Variants in STK33 observed in about 807,000 individuals in gnomAD.
STK33 encodes the protein serine/threonine kinase 33.
STK33 carries 52 observed loss-of-function variants against 58.0 expected under a neutral mutation model. That is an observed-to-expected ratio of 0.90 (90% CI 0.72 to 1.13). The LOEUF (loss-of-function observed/expected upper bound fraction) is 1.13. Among genes scored for constraint, STK33 ranks in the 50% most tolerant of loss-of-function variants. STK33 has a pLI of 0.00. For missense variants in STK33, 630 were observed against 604.2 expected (o/e 1.04, Z -0.45); for synonymous variants, 215 against 200.1 (o/e 1.07, Z -0.63).
intron 1 of STK33, among the ~76,000 whole-genome samples, chr11:8,555,751 T>C (rs1444878836): frequency 6.6e-6 from 1 of 152,096 alleles, no homozygotes; most frequent in Non-Finnish European, 1.5e-5. Context: ...GATGAATATG[T>C]TAATTAGCTT....
At chr11:8,515,846 G>A (rs556393212) in intron 1 of STK33, among the ~76,000 whole-genome samples, 6 of 152,110 alleles carry the variant, frequency 3.9e-5, no homozygotes, top group South Asian at 4.2e-4. Context: ...CAATCCCAAC[G>A]TAATAAAGAC....
At chr11:8,399,503 C>G (rs1313628804) in intron 15 of STK33, among the ~76,000 whole-genome samples, 5 of 152,132 alleles carry the variant, frequency 3.3e-5, no homozygotes, top group Non-Finnish European at 1.5e-5. Flanking sequence ...TAAATGTCCA[C>G]AAGAGAAAGC....
chr11:8,467,092 G>A (rs771816305), intron 6 of STK33: 1 of 152,194 alleles, frequency 6.6e-6, no homozygotes, highest in Non-Finnish European at 1.5e-5. Context: ...CTGGGTAATG[G>A]GAGGGGCTGC....
chr11:8,388,353 G>A (rs1319858246), downstream of STK33, among the ~76,000 whole-genome samples: 1 of 152,248 alleles, frequency 6.6e-6, no homozygotes, highest in Non-Finnish European at 1.5e-5. Context: ...GAAGAAGGCA[G>A]CCACAAGAAA....
chr11:8,484,629 A>G (rs1208667071), intron 1 of STK33, among the ~76,000 whole-genome samples: 1 of 152,254 alleles, frequency 6.6e-6, no homozygotes, highest in East Asian at 1.9e-4. Context: ...TGAATAGCAA[A>G]GAGAACATTT....
intron 1 of STK33, among the ~76,000 whole-genome samples, chr11:8,571,788 G>A (rs568876762): frequency 6.7e-5 from 10 of 149,134 alleles, no homozygotes; most frequent in East Asian, 2.0e-4. Flanking sequence ...ACCCAAGATC[G>A]CGCCACTGCA....
chr11:8,356,324 G>A, the STK33 span, among the ~76,000 whole-genome samples: 1 of 152,186 alleles, frequency 6.6e-6, no homozygotes, highest in Admixed American at 6.5e-5. Context: ...GTGAGACCCA[G>A]GTGGCACTGG....
intron 1 of STK33, among the ~76,000 whole-genome samples, chr11:8,540,250 G>T (rs1591698613): frequency 6.6e-6 from 1 of 151,968 alleles, no homozygotes; most frequent in African/African-American, 2.4e-5. Context: ...AGAAGCCAAG[G>T]TGGGAGGATC....
chr11:8,456,120 T>C (rs1946831224), intron 9 of STK33, among the ~76,000 whole-genome samples: 1 of 152,236 alleles, frequency 6.6e-6, no homozygotes, highest in Admixed American at 6.5e-5. Context: ...TCAAGTTCCA[T>C]GAAAAATGTT....
chr11:8,388,084 C>T (rs1405805918), downstream of STK33, among the ~76,000 whole-genome samples: 1 of 152,196 alleles, frequency 6.6e-6, no homozygotes, highest in Admixed American at 6.5e-5. Context: ...TAGTCCCATT[C>T]TCTGGGCCAG....
chr11:8,385,426 G>A, the STK33 span, among the ~76,000 whole-genome samples: 3 of 152,112 alleles, frequency 2.0e-5, no homozygotes, highest in Admixed American at 6.5e-5. Flanking sequence ...CCAAGTCCTG[G>A]ACTCCATCAA....
intron 15 of STK33, among the ~76,000 whole-genome samples, chr11:8,405,355 T>C (rs1938928056): frequency 6.6e-6 from 1 of 152,224 alleles, no homozygotes; most frequent in Admixed American, 6.5e-5. Context: ...CATCTTTTCA[T>C]ATGCTTATTG....
At chr11:8,525,334 G>C (rs1401514462) in intron 1 of STK33, among the ~76,000 whole-genome samples, 2 of 152,074 alleles carry the variant, frequency 1.3e-5, no homozygotes, top group African/African-American at 4.8e-5. Context: ...AAAGTGGGAG[G>C]ACTTTCTCAA....
In STK33 at chr11:8,394,966, C is replaced by T. The variant is rs1349112307; in HGVS notation, c.1345-2256G>A. Among the ~76,000 whole-genome samples the T allele has an allele frequency of 2.0e-5, 3 of 152,138 alleles. No homozygotes were observed. In the East Asian group the frequency reaches 5.8e-4, roughly 29 times the overall value. ...CCTCCTTACCCCCTAGTTAACTGAG[C>T]TCTGCCCCCAAAGACAACCAATATT... On this transcript the variant is annotated intron_variant, in intron 15 of 15. Transcript: ENST00000687296.
At chr11:8,591,713 T>C (rs928580101) in intron 1 of STK33, among the ~76,000 whole-genome samples, 3 of 152,088 alleles carry the variant, frequency 2.0e-5, no homozygotes, top group African/African-American at 7.2e-5. Context: ...GAAACCATCA[T>C]TCTCCGCAAA....
intron 14 of STK33, among the ~76,000 whole-genome samples, chr11:8,416,543 C>T (rs1941155800): frequency 6.6e-6 from 1 of 152,104 alleles, no homozygotes; most frequent in Admixed American, 6.6e-5. Flanking sequence ...CATTTTTTCA[C>T]AGTTTCATAC....
chr11:8,358,154 C>T, the STK33 span, among the ~76,000 whole-genome samples: 5 of 152,332 alleles, frequency 3.3e-5, no homozygotes, highest in Middle Eastern at 3.4e-3. Context: ...ACTTCCCCTA[C>T]AAATCACCGG....
intron 15 of STK33, among the ~76,000 whole-genome samples, chr11:8,406,142 C>CACAAA (rs1939149148): frequency 2.1e-5 from 2 of 94,696 alleles, no homozygotes; most frequent in Middle Eastern, 5.8e-3. Context: ...GACTCCGTCT[C>CACAAA]AAAAAAAAAA....
chr11:8,344,801 G>T, the STK33 span, among the ~76,000 whole-genome samples: 3 of 152,346 alleles, frequency 2.0e-5, no homozygotes, highest in South Asian at 4.1e-4. Flanking sequence ...TGACCCTGGA[G>T]GTGGGGAGGC....
Sources: gnomAD v4.1 joint callset for allele counts (sites outside exome capture counted in the v4.1 genomes callset) on GRCh38, gnomAD v4.1.1 for gene constraint, MANE v1.5 for transcripts, NCBI Gene and HGNC (gene_info 2026-07-23, HGNC 2026-07-21) for gene names.